The following DLGAP1 variants were observed in gnomAD, a reference collection of about 807,000 sequenced individuals.
DLGAP1 encodes the protein disks large-associated protein 1.
DLGAP1 carries 11 observed loss-of-function variants against 90.8 expected under a neutral mutation model. That is an observed-to-expected ratio of 0.12 (90% confidence interval 0.08 to 0.20). The LOEUF (loss-of-function observed/expected upper bound fraction) is 0.20. Among genes scored for constraint, DLGAP1 ranks in the 10% least tolerant of loss-of-function variants. DLGAP1 has a pLI of 1.00. For missense variants in DLGAP1, 1,050 were observed against 1,333.8 expected (o/e 0.79, Z 3.31); for synonymous variants, 558 against 540.7 (o/e 1.03, Z -0.44).
At chr18:3,955,368 C>T (rs2148972398) in intron 3 of DLGAP1, among the ~76,000 whole-genome samples, 1 of 152,248 alleles carries the variant, frequency 6.6e-6, no homozygotes, top group Middle Eastern at 3.4e-3. Flanking sequence ...CAAAAATATC[C>T]AGTACCTGAC....
intron 5 of DLGAP1, among the ~76,000 whole-genome samples, chr18:3,750,782 C>T (rs755311648): frequency 3.9e-5 from 6 of 152,190 alleles, no homozygotes; most frequent in Non-Finnish European, 5.9e-5. Flanking sequence ...CGCATGCCCT[C>T]GCAAGTTTCA....
At chr18:3,506,285 G>C (rs538311522) in intron 11 of DLGAP1, among the ~76,000 whole-genome samples, 1 of 150,570 alleles carries the variant, frequency 6.6e-6, no homozygotes, top group African/African-American at 2.4e-5. Flanking sequence ...TGGCCGAGGC[G>C]GGCAGATCAC....
chr18:3,664,200 ACACACACACACACACACC>A (rs1228929074), intron 7 of DLGAP1, among the ~76,000 whole-genome samples: 84 of 138,200 alleles, frequency 6.1e-4, no homozygotes, highest in African/African-American at 2.3e-3. Flanking sequence ...ACACACACAC[ACACACACACACACACACC>A]CACACACACA....
At chr18:3,725,932 A>C (rs572953971) in intron 7 of DLGAP1, among the ~76,000 whole-genome samples, 32 of 152,206 alleles carry the variant, frequency 2.1e-4, no homozygotes, top group Non-Finnish European at 4.4e-4. Flanking sequence ...CATTTTATGA[A>C]TACGAATAAA....
chr18:3,772,222 T>C (rs79831792), intron 5 of DLGAP1, among the ~76,000 whole-genome samples: 80 of 124,376 alleles, frequency 6.4e-4, no homozygotes, highest in East Asian at 1.7e-3. Context: ...CTTTCTCTCT[T>C]TCTTTTCTTT....
intron 1 of DLGAP1, among the ~76,000 whole-genome samples, chr18:4,246,665 C>T (rs1359987681): frequency 6.6e-6 from 1 of 152,172 alleles, no homozygotes; most frequent in Non-Finnish European, 1.5e-5. Context: ...TCTTGTTTAT[C>T]AGGACTTCCG....
At chr18:4,300,820 C>T (rs915433432) in intron 1 of DLGAP1, among the ~76,000 whole-genome samples, 1 of 152,166 alleles carries the variant, frequency 6.6e-6, no homozygotes, top group African/African-American at 2.4e-5. Context: ...ACACCAAGGG[C>T]TTTCTGCCAT....
chr18:3,747,456 C>G (rs2063318677), intron 5 of DLGAP1, among the ~76,000 whole-genome samples: 1 of 152,188 alleles, frequency 6.6e-6, no homozygotes, highest in South Asian at 2.1e-4. Context: ...CTAAAGTTCA[C>G]TTCTCTTTAG....
chr18:4,246,800 A>C (rs373872642), intron 1 of DLGAP1, among the ~76,000 whole-genome samples: 26 of 152,360 alleles, frequency 1.7e-4, no homozygotes, highest in Middle Eastern at 3.4e-3. Context: ...CAAGTCAGTT[A>C]GTTGTTGGTT....
chr18:3,583,176 ACCTACCTACCTTCCTT>A (rs2055651092), intron 7 of DLGAP1, among the ~76,000 whole-genome samples: 1 of 131,944 alleles, frequency 7.6e-6, no homozygotes, highest in Admixed American at 7.4e-5. Context: ...CTACCTACCT[ACCTACCTACCTTCCTT>A]CCTTCCTTCC....
chr18:3,608,340 G>A (rs1464769428), intron 7 of DLGAP1: 1 of 61,242 alleles, frequency 1.6e-5, no homozygotes, highest in Non-Finnish European at 4.1e-5. Flanking sequence ...AAAAAAAGAT[G>A]AGCTCACACT....
Position 3,499,367 on chromosome 18 carries a change from T to C in DLGAP1, c.2752A>G (p.Lys918Glu). 3 of 1,550,354 alleles carry C rather than the reference T, an allele frequency of 1.9e-6. No individual in the cohort carries two copies. Among genetic ancestry groups the C allele is most frequent in the Non-Finnish European group, 2.6e-6 (3 of 1,147,474 alleles). The change falls in exon 13 of 13, where the codon AAG becomes GAG. Residue 918 changes from lysine (K) to glutamate (E), a missense_variant. Physicochemically the swap from Lys to Glu is moderately conservative, Grantham distance 56. Coordinates refer to ENST00000315677, the MANE Select transcript of DLGAP1 (RefSeq NM_004746.4). This position sits in a 1 kb window ranked among gnomAD's most constrained non-coding sequence, Gnocchi z 6.4. Reference protein sequence around the residue: ...KERRAPPPVPKKPAKGPAPLI... With the variant: ...KERRAPPPVPEKPAKGPAPLI... ...GGCGCGGGGCCCTTCGCCGGCTTCT[T>C]TGGCACTGGAGGAGGGGCCCTTCTC... is the stretch of plus-strand genomic sequence containing the variant.
intron 9 of DLGAP1, among the ~76,000 whole-genome samples, chr18:3,536,212 T>C (rs1386162802): frequency 6.8e-6 from 1 of 148,090 alleles, no homozygotes; most frequent in Non-Finnish European, 1.5e-5. Flanking sequence ...CTTTCCTTTC[T>C]TACTTTCTTT....
At chr18:3,666,640 G>C (rs1403936705) in intron 7 of DLGAP1, among the ~76,000 whole-genome samples, 2 of 152,226 alleles carry the variant, frequency 1.3e-5, no homozygotes, top group African/African-American at 2.4e-5. Flanking sequence ...ATGAAACTTT[G>C]AAATTAAAAC....
At chr18:3,905,230 G>A (rs909882315) in intron 3 of DLGAP1, among the ~76,000 whole-genome samples, 1 of 151,172 alleles carries the variant, frequency 6.6e-6, no homozygotes, top group African/African-American at 2.4e-5. Flanking sequence ...AGCTTGGCAT[G>A]GTGGCAGATG....
At chr18:4,261,302 C>T (rs2078997748) in intron 1 of DLGAP1, among the ~76,000 whole-genome samples, 1 of 150,898 alleles carries the variant, frequency 6.6e-6, no homozygotes, top group African/African-American at 2.4e-5. Flanking sequence ...GAAGTGATCA[C>T]ACGCAGCACT....
chr18:3,615,393 A>C (rs1172284656), intron 7 of DLGAP1, among the ~76,000 whole-genome samples: 1 of 152,234 alleles, frequency 6.6e-6, no homozygotes, highest in Non-Finnish European at 1.5e-5. Context: ...GAAAGAGCAC[A>C]GATGCCTGTT....
chr18:4,132,485 G>A (rs2076331873), intron 2 of DLGAP1, among the ~76,000 whole-genome samples: 1 of 152,108 alleles, frequency 6.6e-6, no homozygotes, highest in Admixed American at 6.6e-5. Flanking sequence ...TAACCTTTCT[G>A]TGTCTTTCTT....
chr18:3,555,131 C>T (rs2053677098), intron 9 of DLGAP1, among the ~76,000 whole-genome samples: 1 of 152,014 alleles, frequency 6.6e-6, no homozygotes, highest in African/African-American at 2.4e-5. Flanking sequence ...GAATTACAAC[C>T]AGCAAAATCA....
Sources: gnomAD v4.1 joint callset for allele counts (sites outside exome capture counted in the v4.1 genomes callset) on GRCh38, gnomAD v4.1.1 for gene constraint, Gnocchi (gnomAD v3.1) non-coding constraint, MANE v1.5 for transcripts, NCBI Gene and HGNC (gene_info 2026-07-23, HGNC 2026-07-21) for gene names.